XKR6: variants seen among roughly 807,000 people sequenced by gnomAD.
XKR6 encodes the protein XK-related protein 6.
In XKR6, 22 loss-of-function variants were observed where a neutral mutation model predicts 56.7. The ratio of observed to expected loss-of-function variants is 0.39; its 90% CI spans 0.28 to 0.55. The LOEUF is 0.55. Ranked by LOEUF, XKR6 falls within the 20% of genes least tolerant of loss-of-function variation. The probability of loss-of-function intolerance (pLI) is 0.66; values close to 1 mark genes in which losing one functional copy is unlikely to be tolerated. For synonymous variants in XKR6, 524 were observed against 387.8 expected, an observed-to-expected ratio of 1.35 and a Z score of -4.13; for missense variants, 852 against 889.0, an observed-to-expected ratio of 0.96 and a Z score of 0.53.
intron 1 of XKR6, among the ~76,000 whole-genome samples, chr8:10,956,821 G>C (rs376992801): frequency 1.1e-4 from 17 of 152,212 alleles, no homozygotes; most frequent in Non-Finnish European, 2.2e-4. Context: ...TCTGTCTTCA[G>C]CTTCTCAGAT....
intron 1 of XKR6, among the ~76,000 whole-genome samples, chr8:11,015,359 G>C (rs571663527): frequency 1.4e-4 from 21 of 151,924 alleles, no homozygotes; most frequent in Non-Finnish European, 2.5e-4. Context: ...TTTCGGTCCA[G>C]ATTTTTGAGA....
At chr8:10,999,116 C>A (rs1158309185) in intron 1 of XKR6, among the ~76,000 whole-genome samples, 2 of 152,212 alleles carry the variant, frequency 1.3e-5, no homozygotes, top group Admixed American at 1.3e-4. Flanking sequence ...CTGCCTTATT[C>A]TTTCAAATCC....
intron 1 of XKR6, among the ~76,000 whole-genome samples, chr8:11,179,654 A>G (rs1802862590): frequency 6.6e-6 from 1 of 152,196 alleles, no homozygotes; most frequent in South Asian, 2.1e-4. Flanking sequence ...CTCACCAACC[A>G]TCATTCAGGT....
chr8:10,935,706 G>A (rs528390390), intron 1 of XKR6, among the ~76,000 whole-genome samples: 19 of 150,180 alleles, frequency 1.3e-4, no homozygotes, highest in Admixed American at 6.0e-4. Flanking sequence ...GTAGTTGAGC[G>A]GCTTTGAGTG....
chr8:10,953,914 A>T (rs1801801962), intron 1 of XKR6, among the ~76,000 whole-genome samples: 1 of 152,238 alleles, frequency 6.6e-6, no homozygotes, highest in Non-Finnish European at 1.5e-5. Flanking sequence ...GGAATCATGC[A>T]ATATATGGCC....
intron 2 of XKR6, among the ~76,000 whole-genome samples, chr8:10,914,209 A>C (rs949144718): frequency 1.3e-5 from 2 of 152,110 alleles, no homozygotes; most frequent in African/African-American, 4.8e-5. Flanking sequence ...TAACCGCCGC[A>C]ACCATGCTTC....
intron 1 of XKR6, among the ~76,000 whole-genome samples, chr8:10,929,932 C>G (rs1298391081): frequency 6.6e-6 from 1 of 152,206 alleles, no homozygotes; most frequent in East Asian, 1.9e-4. Flanking sequence ...AGCTCCTGTT[C>G]CCTCCAGCAG....
At chr8:11,059,221 C>T (rs758539856) in intron 1 of XKR6, among the ~76,000 whole-genome samples, 2 of 152,210 alleles carry the variant, frequency 1.3e-5, no homozygotes, top group Non-Finnish European at 2.9e-5. Context: ...CCCCAAGCTG[C>T]GACCCCCTGC....
At chr8:11,072,948 G>A (rs1027704782) in intron 1 of XKR6, among the ~76,000 whole-genome samples, 6 of 152,080 alleles carry the variant, frequency 3.9e-5, no homozygotes, top group African/African-American at 1.4e-4. Flanking sequence ...TACTAATGAG[G>A]CTGAGGCAGG....
chr8:10,944,597 C>T (rs1801478467), intron 1 of XKR6, among the ~76,000 whole-genome samples: 2 of 152,206 alleles, frequency 1.3e-5, no homozygotes, highest in South Asian at 4.1e-4. Flanking sequence ...AAATAGTGCA[C>T]CCATGTAGTC....
At chr8:11,090,633 C>T (rs1369575854) in intron 1 of XKR6, among the ~76,000 whole-genome samples, 1 of 152,118 alleles carries the variant, frequency 6.6e-6, no homozygotes, top group Non-Finnish European at 1.5e-5. Flanking sequence ...TTCTGGATTG[C>T]TAATAAGGTT....
rs548407180 is a variant in XKR6, at chr8:10,907,101, C to G, written c.962-8185G>C. ...AGGGTCAAAGAGAAGAGACGGCAATCACATTTGTGGCCCTAGCCCTCAGGA... is the reference window on the plus strand; with the variant it reads ...AGGGTCAAAGAGAAGAGACGGCAATGACATTTGTGGCCCTAGCCCTCAGGA... On this transcript the variant is annotated intron_variant, in intron 2 of 2. Coordinates refer to ENST00000416569, the MANE Select transcript of XKR6 (RefSeq NM_173683.4). Among the ~76,000 whole-genome samples the G allele has an allele frequency of 2.6e-5, 4 of 152,242 alleles. No individual in the cohort carries two copies. In the South Asian group the frequency reaches 8.3e-4, roughly 32 times the overall value.
intron 1 of XKR6, among the ~76,000 whole-genome samples, chr8:11,053,010 C>A (rs930454289): frequency 6.6e-6 from 1 of 152,152 alleles, no homozygotes; most frequent in Non-Finnish European, 1.5e-5. Context: ...GAGAGCACTG[C>A]GCGGGGTCCA....
rs186940751 is a variant in XKR6 at position 10,931,341 on chromosome 8, G to C, written c.765-6511C>G. On this transcript the variant is annotated intron_variant, in intron 1 of 2. Coordinates refer to ENST00000416569, the MANE Select transcript of XKR6 (RefSeq NM_173683.4). ...ATTGGAAGATGCAATATAGTAAGAT[G>C]ACAATTGCCCTCAAATTAATCTACA... 6.1e-3 allele frequency among the ~76,000 whole-genome samples: 932 copies of C among 152,148 alleles called. 11 individuals carry two copies. The highest frequency in any genetic ancestry group is 0.022 in the African/African-American group (895 of 41,512).
intron 1 of XKR6, among the ~76,000 whole-genome samples, chr8:11,188,440 T>C (rs1184632242): frequency 6.6e-6 from 1 of 152,200 alleles, no homozygotes; most frequent in Non-Finnish European, 1.5e-5. Context: ...CAACTTTTGT[T>C]TCATCTGCAA....
At chr8:11,099,909 A>G (rs1798404451) in intron 1 of XKR6, among the ~76,000 whole-genome samples, 1 of 152,210 alleles carries the variant, frequency 6.6e-6, no homozygotes, top group Non-Finnish European at 1.5e-5. Context: ...TGGAGCCATA[A>G]GCACATGGGG....
At chr8:11,032,071 G>C (rs1799006254) in intron 1 of XKR6, among the ~76,000 whole-genome samples, 1 of 152,214 alleles carries the variant, frequency 6.6e-6, no homozygotes, top group Non-Finnish European at 1.5e-5. Context: ...CAGGCAACAG[G>C]TTTGCCACAG....
intron 1 of XKR6, among the ~76,000 whole-genome samples, chr8:10,979,483 C>G (rs1797677839): frequency 6.6e-6 from 1 of 152,080 alleles, no homozygotes; most frequent in Admixed American, 6.5e-5. Flanking sequence ...CACACCAGAG[C>G]CAGTCCCTTT....
chr8:10,983,236 C>T (rs1362596791), intron 1 of XKR6, among the ~76,000 whole-genome samples: 2 of 152,090 alleles, frequency 1.3e-5, no homozygotes, highest in East Asian at 3.9e-4. Context: ...AAATTCAAGA[C>T]CTGCTTTTTT....
Sources: allele counts gnomAD v4.1 joint callset (sites outside exome capture counted in the v4.1 genomes callset), GRCh38; gene constraint gnomAD v4.1.1; transcripts MANE v1.5; gene names NCBI Gene and HGNC (gene_info 2026-07-23, HGNC 2026-07-21).